The following COL24A1 variants were observed in gnomAD, a reference collection of about 807,000 sequenced individuals.
COL24A1 encodes the protein collagen type XXIV alpha 1 chain, also known as collagen alpha-1(XXIV) chain.
In COL24A1, 224 loss-of-function variants were observed where a neutral mutation model predicts 253.9. The observed-to-expected ratio is 0.88, with a 90% CI of 0.79 to 0.99. COL24A1 has a LOEUF of 0.99. COL24A1 is among the 50% of genes least tolerant of loss of function. COL24A1 has a pLI of 0.00. For missense variants in COL24A1, 2,131 were observed against 2,068.5 expected, an observed-to-expected ratio of 1.03 and a Z score of -0.59; for synonymous variants, 685 against 673.7, an observed-to-expected ratio of 1.02 and a Z score of -0.26.
intron 42 of COL24A1, among the ~76,000 whole-genome samples, chr1:85,840,715 G>A (rs1287537222): frequency 1.3e-5 from 2 of 152,176 alleles, no homozygotes; most frequent in East Asian, 3.9e-4. Context: ...CATGGTTATA[G>A]TTAACCCTTA....
chr1:85,837,045 C>A (rs1471925271), intron 43 of COL24A1, among the ~76,000 whole-genome samples: 2 of 152,164 alleles, frequency 1.3e-5, no homozygotes, highest in African/African-American at 4.8e-5. Context: ...TTTCCCGAGA[C>A]TGTGTGAAGA....
At chr1:86,156,851 A>C (rs1296791857), upstream of COL24A1, 1 of 153,544 alleles carries the variant, frequency 6.5e-6, no homozygotes. Flanking sequence ...AAGTCCTTGG[A>C]AACAGCCCGC....
intron 2 of COL24A1, among the ~76,000 whole-genome samples, chr1:86,133,057 A>T (rs574347639): frequency 4.8e-4 from 73 of 152,200 alleles, no homozygotes; most frequent in African/African-American, 1.7e-3. Context: ...TTCTCCTTGA[A>T]GAGGTCCTTC....
chr1:85,901,205 C>T (rs1347620235), intron 28 of COL24A1, among the ~76,000 whole-genome samples: 1 of 152,046 alleles, frequency 6.6e-6, no homozygotes, highest in Non-Finnish European at 1.5e-5. Context: ...TCAAACAACT[C>T]AGTAGTTAAA....
intron 24 of COL24A1, among the ~76,000 whole-genome samples, chr1:85,945,002 G>C (rs12746560): frequency 1.1e-4 from 4 of 35,366 alleles, no homozygotes; most frequent in Non-Finnish European, 1.4e-4. Context: ...CTATCATTGT[G>C]TTTTTTTTTT....
chr1:85,843,569 G>A (rs1023702492), intron 39 of COL24A1, among the ~76,000 whole-genome samples: 2 of 152,144 alleles, frequency 1.3e-5, no homozygotes, highest in Non-Finnish European at 2.9e-5. Flanking sequence ...CCAAAATTTT[G>A]TAATTTGAGA....
intron 22 of COL24A1, among the ~76,000 whole-genome samples, chr1:85,966,891 A>C (rs1691617865): frequency 6.6e-6 from 1 of 152,190 alleles, no homozygotes; most frequent in Non-Finnish European, 1.5e-5. Flanking sequence ...AAGAAAAAAT[A>C]GGGTAACACC....
intron 5 of COL24A1, among the ~76,000 whole-genome samples, chr1:86,108,897 T>A (rs1349763945): frequency 6.6e-6 from 1 of 152,160 alleles, no homozygotes; most frequent in Non-Finnish European, 1.5e-5. Context: ...AACTGTTCGC[T>A]ACTGGCTGAA....
At chr1:85,768,587 C>CGGG (rs34936701) in intron 53 of COL24A1, among the ~76,000 whole-genome samples, 4 of 147,230 alleles carry the variant, frequency 2.7e-5, no homozygotes, top group South Asian at 2.2e-4. Context: ...TTCTTTTGTG[C>CGGG]GGGGGGAGGG....
In COL24A1 at chr1:85,882,786, C is replaced by T. The variant is rs577068818; in HGVS notation, c.2977-5611G>A. Reference sequence around the variant, plus strand: ...CATTTGCTTCATGTATTTTGATGCTCCGTCGTCAGGTGCATTAAGTACTGT... The same window carrying T: ...CATTTGCTTCATGTATTTTGATGCTTCGTCGTCAGGTGCATTAAGTACTGT... On this transcript the variant is annotated intron_variant, in intron 32 of 59. Coordinates refer to ENST00000370571, the MANE Select transcript of COL24A1 (RefSeq NM_152890.7). Among the ~76,000 whole-genome samples the T allele has an allele frequency of 7.9e-4, 121 of 152,248 alleles. No individual in the cohort carries two copies. In the South Asian group the frequency reaches 0.02, roughly 26 times the overall value.
chr1:85,776,023 A>G (rs1196387826), intron 52 of COL24A1, among the ~76,000 whole-genome samples: 2 of 152,222 alleles, frequency 1.3e-5, no homozygotes, highest in African/African-American at 2.4e-5. Context: ...AGCAATTTAA[A>G]AAGGAAATTC....
At chr1:85,819,989 A>G (rs1350513017) in intron 45 of COL24A1, among the ~76,000 whole-genome samples, 4 of 152,138 alleles carry the variant, frequency 2.6e-5, no homozygotes, top group South Asian at 4.1e-4. Flanking sequence ...CTGGGATCAC[A>G]GGCATGCACC....
intron 55 of COL24A1, among the ~76,000 whole-genome samples, chr1:85,747,751 T>C (rs1324388487): frequency 1.3e-5 from 2 of 152,208 alleles, no homozygotes; most frequent in African/African-American, 2.4e-5. Context: ...GATTTTCTTC[T>C]TTCATATTAT....
At chr1:85,852,121 TGC>T (rs534309406) in intron 37 of COL24A1, among the ~76,000 whole-genome samples, 87 of 152,314 alleles carry the variant, frequency 5.7e-4, no homozygotes, top group Admixed American at 9.8e-4. Flanking sequence ...TGCGCGCACG[TGC>T]GCATTTGTGT....
Position 86,118,113 on chromosome 1 carries a change from A to T in COL24A1, c.1492-2735T>A, listed in dbSNP as rs182533719. Among the ~76,000 whole-genome samples, 193 of 149,154 alleles carry T rather than the reference A, an allele frequency of 1.3e-3. 1 individual carries two copies. The highest frequency in any genetic ancestry group is 2.4e-3 in the Non-Finnish European group (162 of 67,566). On this transcript the variant is annotated intron_variant, in intron 3 of 59. Coordinates refer to ENST00000370571, the MANE Select transcript of COL24A1 (RefSeq NM_152890.7). ...AGTCTCACTCTGTCACCTAGGCTGGAGTATAGTGGCGTGATCTCGGCTCAC... is the reference window on the plus strand; with the variant it reads ...AGTCTCACTCTGTCACCTAGGCTGGTGTATAGTGGCGTGATCTCGGCTCAC...
At chr1:86,132,139 G>A (rs1319709136) in intron 2 of COL24A1, among the ~76,000 whole-genome samples, 1 of 152,144 alleles carries the variant, frequency 6.6e-6, no homozygotes, top group Non-Finnish European at 1.5e-5. Flanking sequence ...TTTTTCATGT[G>A]TCTGTTGGCT....
intron 37 of COL24A1, among the ~76,000 whole-genome samples, chr1:85,857,735 T>C (rs938922867): frequency 1.3e-5 from 2 of 152,176 alleles, no homozygotes; most frequent in Non-Finnish European, 2.9e-5. Context: ...AAGAAACTAC[T>C]ACTTTATATG....
Position 85,896,167 on chromosome 1 carries a change from G to A in COL24A1, c.2833-102C>T, listed in dbSNP as rs1003221026. ...CACTCACATACAAAAAAGACAGTAA[G>A]TATATAGTTCATTATTGAAAAGAAA... On this transcript the variant is annotated intron_variant, in intron 29 of 59. Coordinates refer to ENST00000370571, the MANE Select transcript of COL24A1 (RefSeq NM_152890.7). 3.0e-5 allele frequency: 39 copies of A among 1,289,006 alleles called. No individual in the cohort carries two copies. In the East Asian group the frequency reaches 9.1e-4, roughly 30 times the overall value. The allele number at this position is 1,289,006 out of a possible 1,614,324, so 79.8% of individuals were successfully genotyped here. A position where few individuals can be genotyped will look rare whatever the true frequency, so the allele number is the denominator to read the frequency against.
chr1:85,843,248 C>T (rs1424307743), intron 39 of COL24A1, among the ~76,000 whole-genome samples: 1 of 152,030 alleles, frequency 6.6e-6, no homozygotes, highest in East Asian at 1.9e-4. Flanking sequence ...TCTTTAAATT[C>T]CCAGCTCTAA....
Sources: allele counts gnomAD v4.1 joint callset (sites outside exome capture counted in the v4.1 genomes callset), GRCh38; gene constraint gnomAD v4.1.1; transcripts MANE v1.5; gene names NCBI Gene and HGNC (gene_info 2026-07-23, HGNC 2026-07-21).